FBXW4: variants seen among roughly 807,000 people sequenced by gnomAD.
FBXW4 encodes F-box/WD repeat-containing protein 4.
In FBXW4, 40 loss-of-function variants were observed where a neutral mutation model predicts 61.8. The observed-to-expected ratio is 0.65, with a 90% CI of 0.50 to 0.84. The LOEUF is 0.84. Among genes scored for constraint, FBXW4 ranks in the 40% least tolerant of loss-of-function variants. FBXW4 has a pLI of 0.00. For missense variants in FBXW4, 672 were observed against 753.8 expected, an observed-to-expected ratio of 0.89 and a Z score of 1.27; for synonymous variants, 311 against 313.8, an observed-to-expected ratio of 0.99 and a Z score of 0.10.
chr10:101,683,463 C>T (rs1184397372), intron 1 of FBXW4, among the ~76,000 whole-genome samples: 1 of 152,106 alleles, frequency 6.6e-6, no homozygotes, highest in East Asian at 1.9e-4. Context: ...CTATTTTAAA[C>T]AAAAACAACA....
At chr10:101,650,778 G>GC (rs1166154324) in intron 5 of FBXW4, among the ~76,000 whole-genome samples, 2 of 152,262 alleles carry the variant, frequency 1.3e-5, no homozygotes, top group East Asian at 3.9e-4. Flanking sequence ...AAGACTTGAG[G>GC]CCCCCCAGCC....
chr10:101,626,364 T>G (rs1050848355), intron 5 of FBXW4: 2 of 152,684 alleles, frequency 1.3e-5, no homozygotes, highest in African/African-American at 4.8e-5. Context: ...GGTAATCCAT[T>G]AATAACTGGT....
At position 101,694,299 on chromosome 10, in the gene FBXW4, C is replaced by A. The variant is rs952638644; in HGVS notation, c.725+82G>T. The A allele has an allele frequency of 2.1e-5, 27 of 1,280,952 alleles. No homozygotes were observed. The highest frequency in any genetic ancestry group is 2.5e-5 in the Non-Finnish European group (25 of 1,000,400). 79.3% of individuals were successfully genotyped at this position (1,280,952 alleles called of 1,614,324 possible). On this transcript the variant is annotated intron_variant, in intron 1 of 8. Coordinates refer to ENST00000331272, the MANE Select transcript of FBXW4 (RefSeq NM_022039.4). The surrounding 1 kb of genome is among the most constrained non-coding windows in gnomAD (Gnocchi z 6.0). ...CTCGGGGTGCGACACGACCCTGGGC[C>A]GACCAGGCCGCGGCGCCCCGCCCTT...
chr10:101,624,083 C>CACAG (rs897634787), intron 6 of FBXW4, among the ~76,000 whole-genome samples: 1 of 138,774 alleles, frequency 7.2e-6, no homozygotes, highest in African/African-American at 2.6e-5. Context: ...CACACATAGA[C>CACAG]ACAGACAGAC....
chr10:101,639,221 G>T (rs534581279), intron 5 of FBXW4, among the ~76,000 whole-genome samples: 3 of 152,296 alleles, frequency 2.0e-5, no homozygotes, highest in African/African-American at 7.2e-5. Flanking sequence ...CTAGGCCACT[G>T]CTCATTCATA....
intron 1 of FBXW4, among the ~76,000 whole-genome samples, chr10:101,693,900 G>T (rs1428415932): frequency 6.6e-6 from 1 of 152,124 alleles, no homozygotes; most frequent in African/African-American, 2.4e-5. Context: ...TAAGGTCCGA[G>T]CCCTGAAGCT....
intron 6 of FBXW4, among the ~76,000 whole-genome samples, chr10:101,618,856 C>T (rs2063845686): frequency 6.6e-6 from 1 of 151,998 alleles, no homozygotes. Flanking sequence ...GTGCTCAGGG[C>T]ACCAGTGCTA....
rs76657851 is a variant in FBXW4 at position 101,651,327 on chromosome 10, G to A, written c.1235+16559C>T. 6.6e-3 allele frequency among the ~76,000 whole-genome samples: 1,003 copies of A among 152,116 alleles called. 5 individuals carry two copies. Among genetic ancestry groups the A allele is most frequent in the Non-Finnish European group, 0.011 (714 of 67,996 alleles). On this transcript the variant is annotated intron_variant, in intron 5 of 8. Coordinates refer to ENST00000331272, the MANE Select transcript of FBXW4 (RefSeq NM_022039.4). ...AGAAAACAGAGGCCAGTGGGGTGGA[G>A]AGGGTGGGAAATGGGTGGGGGGTGA... is the stretch of plus-strand genomic sequence containing the variant.
chr10:101,690,842 G>A (rs559135700), intron 1 of FBXW4, among the ~76,000 whole-genome samples: 13 of 152,278 alleles, frequency 8.5e-5, no homozygotes, highest in African/African-American at 1.7e-4. Context: ...GTGTGTGTGC[G>A]TGTTCTTCCC....
intron 5 of FBXW4, among the ~76,000 whole-genome samples, chr10:101,642,340 C>T (rs1326616366): frequency 7.3e-5 from 11 of 151,650 alleles, no homozygotes; most frequent in Non-Finnish European, 1.6e-4. Flanking sequence ...TGCTTGAGGC[C>T]AAGAGTTCAA....
intron 1 of FBXW4, among the ~76,000 whole-genome samples, chr10:101,679,220 T>A (rs996162408): frequency 5.3e-5 from 8 of 152,250 alleles, no homozygotes; most frequent in African/African-American, 1.4e-4. Context: ...TGAATACTAT[T>A]TTTAAATTAT....
At chr10:101,660,000 C>T (rs972706856) in intron 5 of FBXW4, 19 of 712,058 alleles carry the variant, frequency 2.7e-5, no homozygotes, top group South Asian at 1.9e-4. Context: ...AGTCTGTCCC[C>T]GGCCCTAACT....
At chr10:101,651,752 AG>A (rs939875127) in intron 5 of FBXW4, among the ~76,000 whole-genome samples, 8 of 152,008 alleles carry the variant, frequency 5.3e-5, no homozygotes, top group Non-Finnish European at 1.2e-4. Flanking sequence ...ACATACTGAC[AG>A]GGGCCTTTAT....
intron 5 of FBXW4, among the ~76,000 whole-genome samples, chr10:101,627,193 C>CT (rs1480328084): frequency 1.3e-5 from 2 of 152,068 alleles, no homozygotes; most frequent in Admixed American, 1.3e-4. Context: ...GCTCAGCCTC[C>CT]TGTGAAGTGC....
rs984752213 is a variant in FBXW4, at chr10:101,624,729, C to A, written c.1301+16G>T. The A allele has an allele frequency of 1.7e-5, 28 of 1,613,890 alleles. No homozygotes were observed. The highest frequency in any genetic ancestry group is 2.4e-5 in the Non-Finnish European group (28 of 1,179,880). The stretch of plus-strand genomic sequence containing the variant: ...CTCCTGGACTGGAAGCCAGCATGGG[C>A]TCATGAATCTCTTACCTGTTGAGGT... On this transcript the variant is annotated intron_variant, in intron 6 of 8. Coordinates refer to ENST00000331272, the MANE Select transcript of FBXW4 (RefSeq NM_022039.4).
chr10:101,658,461 C>T (rs1425532213), intron 5 of FBXW4, among the ~76,000 whole-genome samples: 3 of 152,192 alleles, frequency 2.0e-5, no homozygotes, highest in South Asian at 2.1e-4. Context: ...AGGACAATTG[C>T]TTGAACCCAG....
chr10:101,669,239 A>G (rs897165969), intron 4 of FBXW4, among the ~76,000 whole-genome samples: 1 of 152,234 alleles, frequency 6.6e-6, no homozygotes, highest in South Asian at 2.1e-4. Context: ...TAAACACCAC[A>G]ACTTTTCCTG....
chr10:101,618,893 A>G (rs1235592769), intron 6 of FBXW4, among the ~76,000 whole-genome samples: 2 of 105,664 alleles, frequency 1.9e-5, no homozygotes, highest in East Asian at 2.1e-4. Context: ...CCCTTGGCAG[A>G]AAAAAAAAAC....
intron 5 of FBXW4, among the ~76,000 whole-genome samples, chr10:101,664,344 G>T (rs1332776437): frequency 6.6e-6 from 1 of 152,192 alleles, no homozygotes; most frequent in Non-Finnish European, 1.5e-5. Flanking sequence ...GCTGTGCTAG[G>T]TCTCCTAACT....
Sources: gnomAD v4.1 joint callset for allele counts (sites outside exome capture counted in the v4.1 genomes callset) on GRCh38, gnomAD v4.1.1 for gene constraint, Gnocchi (gnomAD v3.1) non-coding constraint, MANE v1.5 for transcripts, NCBI Gene and HGNC (gene_info 2026-07-23, HGNC 2026-07-21) for gene names.